The following PNPLA7 variants were observed in gnomAD, a reference collection of about 807,000 sequenced individuals.
PNPLA7 encodes patatin like domain 7, lysophospholipase.
In PNPLA7, 153 loss-of-function variants were observed where a neutral mutation model predicts 161.7. That is an observed-to-expected ratio of 0.95 (90% CI 0.83 to 1.08). The LOEUF is 1.08. PNPLA7 is among the 50% of genes least tolerant of loss of function. The pLI is 0.00. For missense variants in PNPLA7, 1,739 were observed against 1,856.6 expected, an observed-to-expected ratio of 0.94 and a Z score of 1.16; for synonymous variants, 809 against 782.1, an observed-to-expected ratio of 1.03 and a Z score of -0.57.
chr9:137,546,716 A>G (rs905688262), intron 4 of PNPLA7, 114 bp downstream of exon 4: 16 of 898,570 alleles, frequency 1.8e-5, no homozygotes, highest in African/African-American at 3.3e-5. Flanking sequence ...TGGGGAGAGG[A>G]CAGCACACAC....
intron 12 of PNPLA7, among the ~76,000 whole-genome samples, chr9:137,510,438 C>T (rs963015186): frequency 2.0e-5 from 3 of 152,158 alleles, no homozygotes; most frequent in South Asian, 2.1e-4. Context: ...GAAATAATGG[C>T]GTAAGCTGTC....
rs373260019 is a variant in PNPLA7 at position 137,514,378 on chromosome 9, T to C, written c.1225+1001A>G. Reference sequence around the variant, plus strand: ...CGGGTCACCCGGATGTTGAGGTGCCTGGGCCCTGTGGCTGGGCTGCAGGCG... The same window carrying C: ...CGGGTCACCCGGATGTTGAGGTGCCCGGGCCCTGTGGCTGGGCTGCAGGCG... On this transcript the variant is annotated intron_variant, in intron 12 of 34. Transcript: ENST00000406427. Among the ~76,000 whole-genome samples the C allele has an allele frequency of 1.6e-3, 152 of 97,370 alleles. 1 individual carries two copies. The highest frequency in any genetic ancestry group is 1.8e-3 in the Non-Finnish European group (91 of 49,880). 63.9% of individuals were successfully genotyped at this position (97,370 alleles called of 152,430 possible). A position where few individuals can be genotyped will look rare whatever the true frequency, so the allele number is the denominator to read the frequency against.
chr9:137,491,930 T>C (rs1832782411), intron 20 of PNPLA7: 1 of 985,290 alleles, frequency 1.0e-6, no homozygotes, highest in Non-Finnish European at 1.2e-6. Context: ...CCAGGGAGGC[T>C]GTGCTGAGAC....
chr9:137,542,077 C>T (rs892989036), intron 7 of PNPLA7, among the ~76,000 whole-genome samples: 3 of 152,148 alleles, frequency 2.0e-5, no homozygotes, highest in African/African-American at 7.2e-5. Context: ...TTGTTAGAAA[C>T]CTGAAAATAG....
At chr9:137,505,580 G>A (rs1833870178) in intron 14 of PNPLA7, 34 bp downstream of exon 14, 2 of 1,610,148 alleles carry the variant, frequency 1.2e-6, no homozygotes, top group Non-Finnish European at 1.7e-6. Flanking sequence ...GCCCTGGGTG[G>A]GACAAGGGCC....
At chr9:137,542,328 G>A (rs1836248654) in intron 7 of PNPLA7, among the ~76,000 whole-genome samples, 1 of 152,040 alleles carries the variant, frequency 6.6e-6, no homozygotes, top group Non-Finnish European at 1.5e-5. Flanking sequence ...TAAGTGAGCT[G>A]GGCATGGTGA....
chr9:137,472,920 A>G (rs374070962), intron 25 of PNPLA7, among the ~76,000 whole-genome samples: 18 of 151,248 alleles, frequency 1.2e-4, no homozygotes, highest in East Asian at 5.8e-4. Flanking sequence ...GCACCACTGC[A>G]CTCCAGCCTG....
chr9:137,547,006 G>C lies in PNPLA7; in HGVS notation c.194-97C>G, dbSNP rs1836567205. On this transcript the variant is annotated intron_variant, in intron 3 of 34. Coordinates refer to ENST00000406427, the MANE Select transcript of PNPLA7 (RefSeq NM_001098537.3). The surrounding 1 kb of genome is among the most constrained non-coding windows in gnomAD (Gnocchi z 4.6). ...CACAGTCAGTCATACTCTCGTCCCT[G>C]CCAGTAACTGGCCATACTCAGACAG... is the stretch of plus-strand genomic sequence containing the variant. 2 of 1,174,758 alleles carry C rather than the reference G, an allele frequency of 1.7e-6. No homozygotes were observed. Among genetic ancestry groups the C allele is most frequent in the Non-Finnish European group, 2.5e-6 (2 of 800,220 alleles). The allele number at this position is 1,174,758 out of a possible 1,614,324, so 72.8% of individuals were successfully genotyped here.
Position 137,498,096 on chromosome 9 carries a change from T to C in PNPLA7, c.1889+18A>G, listed in dbSNP as rs200166841. The C allele has an allele frequency of 7.0e-5, 112 of 1,610,598 alleles. No homozygotes were observed. Among genetic ancestry groups the C allele is most frequent in the Non-Finnish European group, 8.7e-5 (103 of 1,178,396 alleles). ...CAGGGCAGCATGGATGCGGAGTGTG[T>C]GGCACCCACGGCCTCACCTGTATAT... On this transcript the variant is annotated intron_variant, in intron 17 of 34. Coordinates refer to ENST00000406427, the MANE Select transcript of PNPLA7 (RefSeq NM_001098537.3).
chr9:137,526,382 A>G (rs1243654518), intron 8 of PNPLA7, among the ~76,000 whole-genome samples: 1 of 152,080 alleles, frequency 6.6e-6, no homozygotes, highest in Non-Finnish European at 1.5e-5. Context: ...GGTTCACGCC[A>G]TTCTCCTGCC....
intron 21 of PNPLA7, among the ~76,000 whole-genome samples, chr9:137,481,580 C>T (rs1428153776): frequency 6.6e-6 from 1 of 152,182 alleles, no homozygotes; most frequent in Non-Finnish European, 1.5e-5. Flanking sequence ...ATGAGGGGCT[C>T]AGCCTGAGGG....
rs1831934754 is a variant in PNPLA7 at position 137,476,088 on chromosome 9, C to T, written c.2882+1946G>A. On this transcript the variant is annotated intron_variant, in intron 25 of 34. Coordinates refer to ENST00000406427, the MANE Select transcript of PNPLA7 (RefSeq NM_001098537.3). This position sits in a 1 kb window ranked among gnomAD's most constrained non-coding sequence, Gnocchi z 4.5. The stretch of plus-strand genomic sequence containing the variant: ...GTGAAAGAAAATTCCAGGCCAACAT[C>T]TCAGCAGCATGTTAGAAAACAACCA... Among the ~76,000 whole-genome samples, 1 of 152,168 alleles carries T rather than the reference C, an allele frequency of 6.6e-6. No individual in the cohort carries two copies. Among genetic ancestry groups the T allele is most frequent in the Non-Finnish European group, 1.5e-5 (1 of 68,026 alleles).
At chr9:137,482,371 G>A (rs140233004) in intron 21 of PNPLA7, among the ~76,000 whole-genome samples, 9 of 152,338 alleles carry the variant, frequency 5.9e-5, no homozygotes, top group East Asian at 5.8e-4. Flanking sequence ...ACTGTGGTGC[G>A]TCCAGGCAGC....
Position 137,540,283 on chromosome 9 carries a change from G to A in PNPLA7, c.747+359C>T, listed in dbSNP as rs942383819. Reference sequence around the variant, plus strand: ...GAGCCCAGCAGGACCTGCAGGAAACGGGGGTGGCTGGTCCCTCGGGAGGGC... The same window carrying A: ...GAGCCCAGCAGGACCTGCAGGAAACAGGGGTGGCTGGTCCCTCGGGAGGGC... On this transcript the variant is annotated intron_variant, in intron 8 of 34. Transcript: ENST00000406427. This position sits in a 1 kb window ranked among gnomAD's most constrained non-coding sequence, Gnocchi z 5.1. 2.0e-5 allele frequency among the ~76,000 whole-genome samples: 3 copies of A among 152,324 alleles called. No individual in the cohort carries two copies. The South Asian group carries it at 6.2e-4, about 32-fold the overall frequency.
Position 137,503,786 on chromosome 9 carries a change from G to GACAAA in PNPLA7, c.1473+1827_1473+1828insTTTGT, listed in dbSNP as rs374070077. ...AAGAAAAAGAAGAAAAAAGAAAGAA[G>GACAAA]AGAATGAAGAAGAAGGAAGAAGGAA... On this transcript the variant is annotated intron_variant, in intron 14 of 34. Coordinates refer to ENST00000406427, the MANE Select transcript of PNPLA7 (RefSeq NM_001098537.3). Among the ~76,000 whole-genome samples the GACAAA allele has an allele frequency of 4.5e-3, 15 of 3,354 alleles. 1 individual carries two copies. Among genetic ancestry groups the GACAAA allele is most frequent in the South Asian group, 0.011 (1 of 94 alleles). The allele number at this position is 3,354 out of a possible 152,430, so 2.2% of individuals were successfully genotyped here.
At chr9:137,516,301 C>T in intron 11 of PNPLA7, 3 of 983,574 alleles carry the variant, frequency 3.1e-6, no homozygotes, top group Non-Finnish European at 3.6e-6. Context: ...TGCATCTGCC[C>T]CTCAGGTGAA....
At chr9:137,522,132 T>G (rs1835028491) in intron 9 of PNPLA7, among the ~76,000 whole-genome samples, 3 of 152,228 alleles carry the variant, frequency 2.0e-5, no homozygotes, top group Non-Finnish European at 2.9e-5. Context: ...TGGAGTGCAG[T>G]GGCACCATCT....
intron 17 of PNPLA7, 118 bp from the exon 18 acceptor site, chr9:137,497,428 CTTATTT>C (rs1459413162): frequency 9.8e-7 from 1 of 1,022,928 alleles, no homozygotes; most frequent in Non-Finnish European, 1.3e-6. Flanking sequence ...TTCTCACTAT[CTTATTT>C]TTGTTTTGGA....
intron 28 of PNPLA7, 60 bp from the exon 29 acceptor site, chr9:137,463,591 T>A: frequency 7.6e-7 from 1 of 1,309,000 alleles, no homozygotes; most frequent in Non-Finnish European, 1.1e-6. Context: ...GGTCCAGGGT[T>A]CAGGGCCTTG....
Sources: gnomAD v4.1 joint callset for allele counts (sites outside exome capture counted in the v4.1 genomes callset) on GRCh38, gnomAD v4.1.1 for gene constraint, Gnocchi (gnomAD v3.1) non-coding constraint, MANE v1.5 for transcripts, NCBI Gene and HGNC (gene_info 2026-07-23, HGNC 2026-07-21) for gene names.